Variants in HTR1F observed in about 807,000 individuals in gnomAD.
HTR1F encodes the protein 5-hydroxytryptamine (serotonin) receptor 1F, G protein-coupled.
In HTR1F, 17 loss-of-function variants were observed where a neutral mutation model predicts 24.0. The observed-to-expected ratio is 0.71, with a 90% CI of 0.48 to 1.06. The LOEUF (loss-of-function observed/expected upper bound fraction) is 1.06. Among genes scored for constraint, HTR1F ranks in the 50% least tolerant of loss-of-function variants. The probability of loss-of-function intolerance (pLI) is 0.00; values close to 1 mark genes in which losing one functional copy is unlikely to be tolerated. For synonymous variants in HTR1F, 186 were observed against 156.8 expected, an observed-to-expected ratio of 1.19 and a Z score of -1.39; for missense variants, 391 against 427.8, an observed-to-expected ratio of 0.91 and a Z score of 0.76.
chr3:87,843,517 T>C (rs952826795), intron 2 of HTR1F, among the ~76,000 whole-genome samples: 3 of 150,832 alleles, frequency 2.0e-5, no homozygotes, highest in African/African-American at 7.3e-5. Context: ...TTTTCTTTTT[T>C]TTTTTTTAAT....
At position 87,913,809 on chromosome 3, in the gene HTR1F, T is replaced by C. The variant is rs142467086; in HGVS notation, c.-42-76899T>C. The stretch of plus-strand genomic sequence containing the variant: ...GCAACATGGGTAGAGCTGGAGACCA[T>C]TATTAGGAAACTAACACAGGAACAG... On this transcript the variant is annotated intron_variant, in intron 2 of 2. Transcript: ENST00000319595. Among the ~76,000 whole-genome samples, 260 of 152,224 alleles carry C rather than the reference T, an allele frequency of 1.7e-3. 1 individual carries two copies. Among genetic ancestry groups the C allele is most frequent in the African/African-American group, 5.7e-3 (237 of 41,546 alleles).
chr3:87,947,418 A>G (rs1258262035), intron 2 of HTR1F, among the ~76,000 whole-genome samples: 2 of 152,220 alleles, frequency 1.3e-5, no homozygotes, highest in Non-Finnish European at 2.9e-5. Flanking sequence ...CTGAAGTTGT[A>G]ATTGTGTAAA....
Position 87,991,705 on chromosome 3 carries a change from G to GTGACAAA in HTR1F, c.959_965dup (p.Cys322Ter). On this transcript the variant is annotated frameshift_variant, in exon 3 of 3. Coordinates refer to ENST00000319595, the MANE Select transcript of HTR1F (RefSeq NM_001322209.2). LOFTEE classifies it high-confidence loss of function. ...GTAAAAGAATTAGTTGTTAATGTCTGTGACAAATGTAAAATTTCTGAAGAA... is the reference window on the plus strand; with the variant it reads ...GTAAAAGAATTAGTTGTTAATGTCTGTGACAAATGACAAATGTAAAATTTCTGAAGAA... 6.2e-7 allele frequency: 1 copy of GTGACAAA among 1,613,854 alleles called. No individual in the cohort carries two copies. Among genetic ancestry groups the GTGACAAA allele is most frequent in the Non-Finnish European group, 8.5e-7 (1 of 1,179,876 alleles).
intron 2 of HTR1F, among the ~76,000 whole-genome samples, chr3:87,982,128 G>A (rs1705557606): frequency 6.6e-6 from 1 of 152,046 alleles, no homozygotes; most frequent in African/African-American, 2.4e-5. Flanking sequence ...TCACCTTTTT[G>A]ACCAGACGGG....
intron 2 of HTR1F, among the ~76,000 whole-genome samples, chr3:87,841,934 A>C (rs1441620178): frequency 4.0e-5 from 6 of 151,040 alleles, no homozygotes; most frequent in Non-Finnish European, 8.8e-5. Context: ...AAAAAAAAAA[A>C]AAAACTAAAC....
chr3:87,811,738 C>A (rs1288465904), intron 1 of HTR1F, among the ~76,000 whole-genome samples: 1 of 152,064 alleles, frequency 6.6e-6, no homozygotes, highest in Non-Finnish European at 1.5e-5. Context: ...AACACAGAGT[C>A]AGGAAGAAAT....
intron 2 of HTR1F, among the ~76,000 whole-genome samples, chr3:87,975,289 A>AAAAAAAAATCCAAATCTC (rs1705370640): frequency 6.6e-6 from 1 of 151,434 alleles, no homozygotes; most frequent in South Asian, 2.1e-4. Flanking sequence ...TCCAAATCTC[A>AAAAAAAAATCCAAATCTC]AAAAAAAATC....
chr3:87,815,712 TCCTG>T (rs1180378574), intron 1 of HTR1F, among the ~76,000 whole-genome samples: 2 of 152,196 alleles, frequency 1.3e-5, no homozygotes, highest in African/African-American at 4.8e-5. Context: ...AAATTAAAAT[TCCTG>T]CCTTACTTTA....
chr3:87,898,272 A>G lies in HTR1F; in HGVS notation c.-43+76148A>G, dbSNP rs565031486. On this transcript the variant is annotated intron_variant, in intron 2 of 2. Coordinates refer to ENST00000319595, the MANE Select transcript of HTR1F (RefSeq NM_001322209.2). ...TGTGCAATCTTAGAGTTGTGGGATGATAGAGCCTGGAATTCATCTTAGGTC... is the reference window on the plus strand; with the variant it reads ...TGTGCAATCTTAGAGTTGTGGGATGGTAGAGCCTGGAATTCATCTTAGGTC... Among the ~76,000 whole-genome samples the G allele has an allele frequency of 2.0e-5, 3 of 152,306 alleles. No individual in the cohort carries two copies. The South Asian group carries it at 6.2e-4, about 32-fold the overall frequency.
chr3:87,974,463 C>A (rs1055993231), intron 2 of HTR1F, among the ~76,000 whole-genome samples: 1 of 151,916 alleles, frequency 6.6e-6, no homozygotes, highest in Non-Finnish European at 1.5e-5. Context: ...ATTTTATTTA[C>A]CAGCTGGTAT....
At chr3:87,974,532 GA>G (rs968003090) in intron 2 of HTR1F, among the ~76,000 whole-genome samples, 5 of 140,782 alleles carry the variant, frequency 3.6e-5, no homozygotes, top group African/African-American at 5.2e-5. Context: ...ACTAGTATAA[GA>G]AAAAAAAGGT....
intron 2 of HTR1F, among the ~76,000 whole-genome samples, chr3:87,840,600 A>T (rs757165142): frequency 5.3e-5 from 8 of 152,178 alleles, no homozygotes; most frequent in Non-Finnish European, 1.0e-4. Flanking sequence ...CTACTGGAGT[A>T]TACCCAAAGT....
At chr3:87,813,378 A>G (rs144374917) in intron 1 of HTR1F, among the ~76,000 whole-genome samples, 94 of 152,128 alleles carry the variant, frequency 6.2e-4, no homozygotes, top group African/African-American at 2.2e-3. Flanking sequence ...CACCATTTGG[A>G]ATGGGAGCAT....
chr3:87,884,506 C>A (rs1029631226), intron 2 of HTR1F, among the ~76,000 whole-genome samples: 2 of 152,076 alleles, frequency 1.3e-5, no homozygotes, highest in African/African-American at 4.8e-5. Context: ...ACAAGATCAA[C>A]CTTAAATGTA....
At chr3:87,879,266 C>G (rs1011965658) in intron 2 of HTR1F, among the ~76,000 whole-genome samples, 2 of 151,888 alleles carry the variant, frequency 1.3e-5, no homozygotes, top group African/African-American at 4.8e-5. Context: ...TTTAAAATTC[C>G]CAATTAAAAT....
intron 2 of HTR1F, among the ~76,000 whole-genome samples, chr3:87,936,599 G>A (rs764962086): frequency 6.6e-5 from 10 of 151,964 alleles, no homozygotes; most frequent in African/African-American, 2.4e-4. Context: ...TTCTGACCAC[G>A]GTTTCAGCAA....
intron 2 of HTR1F, among the ~76,000 whole-genome samples, chr3:87,920,014 G>T (rs1203455853): frequency 1.6e-5 from 2 of 126,592 alleles, no homozygotes; most frequent in South Asian, 2.5e-4. Flanking sequence ...GTGTGGGAGA[G>T]ATATATATGT....
intron 2 of HTR1F, among the ~76,000 whole-genome samples, chr3:87,840,928 AAG>A (rs1253483765): frequency 6.6e-6 from 1 of 151,932 alleles, no homozygotes; most frequent in Non-Finnish European, 1.5e-5. Context: ...AGTGGCTCTG[AAG>A]AGAGTGTGGA....
rs541688626 is a variant in HTR1F at position 87,977,573 on chromosome 3, C to CTT, written c.-42-13124_-42-13123dup. ...GCCAGCACGCCCAGCTAATTTTTTT[C>CTT]TTTTTTTTTTTTCTTTTTTTTTGTA... is the stretch of plus-strand genomic sequence containing the variant. On this transcript the variant is annotated intron_variant, in intron 2 of 2. Transcript: ENST00000319595. Among the ~76,000 whole-genome samples, 1,358 of 140,710 alleles carry CTT rather than the reference C, an allele frequency of 9.7e-3. 20 individuals carry two copies. The highest frequency in any genetic ancestry group is 0.034 in the African/African-American group (1,305 of 37,966). 92.3% of individuals were successfully genotyped at this position (140,710 alleles called of 152,430 possible).
Sources: allele counts gnomAD v4.1 joint callset (sites outside exome capture counted in the v4.1 genomes callset), GRCh38; gene constraint gnomAD v4.1.1; transcripts MANE v1.5; gene names NCBI Gene and HGNC (gene_info 2026-07-23, HGNC 2026-07-21).